FAT3: variants seen among roughly 807,000 people sequenced by gnomAD.
FAT3 encodes protocadherin Fat 3.
In FAT3, 95 loss-of-function variants were observed where a neutral mutation model predicts 310.2. The observed-to-expected ratio is 0.31, with a 90% confidence interval of 0.26 to 0.36. The LOEUF is 0.36. FAT3 is among the 10% of genes least tolerant of loss of function. FAT3 has a pLI of 1.00. For missense variants in FAT3, 5,408 were observed against 5,715.6 expected (o/e 0.95, Z 1.74); for synonymous variants, 2,314 against 2,192.9 (o/e 1.06, Z -1.54).
At chr11:92,451,179 C>T (rs1431017361) in intron 2 of FAT3, among the ~76,000 whole-genome samples, 3 of 152,152 alleles carry the variant, frequency 2.0e-5, no homozygotes, top group Middle Eastern at 6.3e-3. Flanking sequence ...GCCTTACTGC[C>T]TTCTTCACCA....
chr11:92,468,573 A>G (rs994263047), intron 2 of FAT3, among the ~76,000 whole-genome samples: 3 of 152,192 alleles, frequency 2.0e-5, no homozygotes, highest in African/African-American at 7.2e-5. Flanking sequence ...TTCTCATGCT[A>G]TTAATAAAGA....
At chr11:92,561,513 G>A (rs369373919) in intron 3 of FAT3, among the ~76,000 whole-genome samples, 4 of 151,952 alleles carry the variant, frequency 2.6e-5, no homozygotes, top group South Asian at 2.1e-4. Flanking sequence ...CTTGTCTTTC[G>A]TACTTCTTGT....
chr11:92,688,077 C>T (rs368211923), intron 3 of FAT3, among the ~76,000 whole-genome samples: 47 of 151,932 alleles, frequency 3.1e-4, no homozygotes, highest in East Asian at 1.2e-3. Context: ...GATGGTGCAC[C>T]GGTAGTCTCA....
intron 3 of FAT3, among the ~76,000 whole-genome samples, chr11:92,628,183 G>T (rs1340109501): frequency 6.6e-6 from 1 of 152,160 alleles, no homozygotes; most frequent in African/African-American, 2.4e-5. Context: ...TGACCCTTTG[G>T]TATATTTAGC....
At chr11:92,243,173 C>T (rs1864737183) in intron 1 of FAT3, among the ~76,000 whole-genome samples, 1 of 151,932 alleles carries the variant, frequency 6.6e-6, no homozygotes, top group Middle Eastern at 3.4e-3. Context: ...CTTTTTTCCA[C>T]CTAAACAAGT....
chr11:92,447,623 A>T (rs1332701804), intron 2 of FAT3, among the ~76,000 whole-genome samples: 1 of 152,136 alleles, frequency 6.6e-6, no homozygotes, highest in Non-Finnish European at 1.5e-5. Context: ...TAACAGCACA[A>T]ATGAAATTTC....
intron 2 of FAT3, among the ~76,000 whole-genome samples, chr11:92,374,701 C>G (rs1295757411): frequency 6.6e-6 from 1 of 152,012 alleles, no homozygotes; most frequent in Admixed American, 6.6e-5. Flanking sequence ...GTAAATGGAC[C>G]CCATCTCAAA....
rs1208657921 is a variant in FAT3 at position 92,800,251 on chromosome 11, TA to T, written c.7240del (p.Thr2414ProfsTer30). ...GAATTAGCCCCCCGGGGCCATTTTG[TA>T]ACCTGTGTACAAGCCTCTGATGCAG... Reference protein sequence around the residue: ...VSELAPRGHFVTCVQASDADS... With the variant: ...VSELAPRGHFXTCVQASDADS... On this transcript the variant is annotated frameshift_variant, in exon 10 of 28. Transcript: ENST00000525166. LOFTEE classifies it high-confidence loss of function. 1.2e-6 allele frequency: 2 copies of T among 1,614,006 alleles called. No homozygotes were observed.
chr11:92,657,004 G>C (rs920937111), intron 3 of FAT3, among the ~76,000 whole-genome samples: 4 of 152,190 alleles, frequency 2.6e-5, no homozygotes, highest in African/African-American at 7.2e-5. Flanking sequence ...AGAAACAGCT[G>C]TGGCACAAAA....
At chr11:92,787,850 T>A (rs1342499363) in intron 7 of FAT3, among the ~76,000 whole-genome samples, 1 of 151,948 alleles carries the variant, frequency 6.6e-6, no homozygotes, top group African/African-American at 2.4e-5. Context: ...TCATTAAGCA[T>A]GAGAAATTTC....
intron 22 of FAT3, among the ~76,000 whole-genome samples, chr11:92,869,708 T>C (rs539299327): frequency 1.3e-5 from 2 of 152,342 alleles, no homozygotes; most frequent in East Asian, 3.9e-4. Flanking sequence ...TTACTTCATA[T>C]CTATGAAACT....
intron 2 of FAT3, among the ~76,000 whole-genome samples, chr11:92,470,244 G>T (rs185593390): frequency 6.6e-6 from 1 of 152,104 alleles, no homozygotes. Flanking sequence ...ATAAGCAAAC[G>T]TTTCATAAAC....
At chr11:92,738,969 CT>C (rs1490741068) in intron 4 of FAT3, among the ~76,000 whole-genome samples, 2 of 152,100 alleles carry the variant, frequency 1.3e-5, no homozygotes, top group African/African-American at 4.8e-5. Flanking sequence ...CTACTGAAGA[CT>C]CAGAACATGA....
At chr11:92,497,395 AAAT>A (rs1200888761) in intron 2 of FAT3, among the ~76,000 whole-genome samples, 1 of 152,044 alleles carries the variant, frequency 6.6e-6, no homozygotes, top group African/African-American at 2.4e-5. Flanking sequence ...TGGTTGGAAA[AAAT>A]AATATTTTTT....
intron 25 of FAT3, among the ~76,000 whole-genome samples, chr11:92,887,591 G>A (rs1436077149): frequency 6.6e-6 from 1 of 152,128 alleles, no homozygotes; most frequent in African/African-American, 2.4e-5. Context: ...TTTGGGTTAT[G>A]GGCTGTTGGA....
At chr11:92,344,287 C>T (rs968374089) in intron 1 of FAT3, among the ~76,000 whole-genome samples, 45 of 152,294 alleles carry the variant, frequency 3.0e-4, no homozygotes, top group African/African-American at 1.0e-3. Flanking sequence ...TTTTGAGTTA[C>T]CTGATGAACT....
intron 3 of FAT3, among the ~76,000 whole-genome samples, chr11:92,615,109 T>C (rs1366005591): frequency 6.6e-6 from 1 of 152,256 alleles, no homozygotes; most frequent in Non-Finnish European, 1.5e-5. Context: ...ATTGTAGCTT[T>C]ACTGTAAGTT....
At chr11:92,509,106 T>C (rs1232079536) in intron 2 of FAT3, among the ~76,000 whole-genome samples, 1 of 152,116 alleles carries the variant, frequency 6.6e-6, no homozygotes, top group Non-Finnish European at 1.5e-5. Context: ...ATTATCAAAA[T>C]ACAAAAAGGA....
At chr11:92,491,608 C>T (rs772362940) in intron 2 of FAT3, among the ~76,000 whole-genome samples, 31 of 151,994 alleles carry the variant, frequency 2.0e-4, no homozygotes, top group Admixed American at 4.6e-4. Flanking sequence ...AATTTCTGGG[C>T]TCTTTGGCAT....
Sources: gnomAD v4.1 joint callset for allele counts (sites outside exome capture counted in the v4.1 genomes callset) on GRCh38, gnomAD v4.1.1 for gene constraint, MANE v1.5 for transcripts, NCBI Gene and HGNC (gene_info 2026-07-23, HGNC 2026-07-21) for gene names.